Variants in OR51B5 observed in about 807,000 individuals in gnomAD.
The protein encoded by OR51B5 is olfactory receptor family 51 subfamily B member 5.
For synonymous variants in OR51B5, 186 were observed against 144.8 expected, an observed-to-expected ratio of 1.28 and a Z score of -2.04; for missense variants, 456 against 374.6, an observed-to-expected ratio of 1.22 and a Z score of -1.79.
chr11:5,407,050 C>A (rs985272138), intron 1 of OR51B5, among the ~76,000 whole-genome samples: 1 of 152,020 alleles, frequency 6.6e-6, no homozygotes, highest in African/African-American at 2.4e-5. Flanking sequence ...AAATACTGAT[C>A]TTATTAATAA....
intron 1 of OR51B5, chr11:5,392,376 T>TA (rs1849808704): frequency 6.6e-6 from 1 of 152,244 alleles, no homozygotes; most frequent in Admixed American, 6.5e-5. Context: ...AGGAAATTCC[T>TA]ATTCTATAGA....
At chr11:5,412,803 T>C (rs1016836908) in intron 1 of OR51B5, among the ~76,000 whole-genome samples, 12 of 151,938 alleles carry the variant, frequency 7.9e-5, no homozygotes, top group African/African-American at 2.4e-4. Context: ...TCCAACTGGG[T>C]GGAGCCCACC....
chr11:5,505,559 C>T, intron 1 of OR51B5: 1 of 1,075,552 alleles, frequency 9.3e-7, no homozygotes, highest in Non-Finnish European at 1.2e-6. Flanking sequence ...AAGAGGTTTA[C>T]CGGACTTACA....
At chr11:5,422,506 G>T in intron 1 of OR51B5, 8 of 1,614,142 alleles carry the variant, frequency 5.0e-6, no homozygotes, top group Non-Finnish European at 6.8e-6. Flanking sequence ...GTTTTGCTCA[G>T]TTTTTCTTCC....
chr11:5,371,509 A>T (rs1303709975), intron 1 of OR51B5, among the ~76,000 whole-genome samples: 3 of 152,110 alleles, frequency 2.0e-5, no homozygotes, highest in African/African-American at 7.2e-5. Context: ...ATAGAGAAAA[A>T]CATATATCTC....
intron 1 of OR51B5, among the ~76,000 whole-genome samples, chr11:5,438,355 A>ACCCCC (rs35674866): frequency 4.6e-5 from 7 of 150,642 alleles, no homozygotes; most frequent in African/African-American, 1.7e-4. Flanking sequence ...TCATAGCAAC[A>ACCCCC]CCCCCCCCCA....
rs574474594 is a variant in OR51B5 at position 5,439,349 on chromosome 11, T to C, written n.84+66220A>G. On this transcript the variant is annotated intron_variant and non_coding_transcript_variant, in intron 1 of 4. Transcript: ENST00000415970. ...AGATATTAAGGTTATAAATCTACTC[T>C]ACTTCCCTTCACCAACAATACCATA... is the stretch of plus-strand genomic sequence containing the variant. 5.3e-5 allele frequency among the ~76,000 whole-genome samples: 8 copies of C among 152,320 alleles called. No individual in the cohort carries two copies. The South Asian group carries it at 1.7e-3, about 32-fold the overall frequency.
chr11:5,474,671 G>A (rs1015117125), intron 1 of OR51B5, among the ~76,000 whole-genome samples: 1 of 152,132 alleles, frequency 6.6e-6, no homozygotes, highest in Admixed American at 6.5e-5. Context: ...TTGTGCCAAT[G>A]CAATAATTCT....
chr11:5,419,194 C>T (rs916806538), intron 1 of OR51B5, among the ~76,000 whole-genome samples: 10 of 152,182 alleles, frequency 6.6e-5, no homozygotes, highest in Admixed American at 5.9e-4. Flanking sequence ...GTGTCACAGA[C>T]ATCCCAAAAT....
At chr11:5,368,627 A>C (rs1423662296) in intron 1 of OR51B5, among the ~76,000 whole-genome samples, 1 of 138,926 alleles carries the variant, frequency 7.2e-6, no homozygotes, top group Non-Finnish European at 1.6e-5. Context: ...TAACATAAAG[A>C]CTTTGTGTTT....
intron 1 of OR51B5, among the ~76,000 whole-genome samples, chr11:5,434,850 T>G (rs1850572427): frequency 6.6e-6 from 1 of 152,158 alleles, no homozygotes; most frequent in Admixed American, 6.5e-5. Context: ...GTTCTTCCAA[T>G]TATAAGTCCC....
At chr11:5,355,143 G>C in intron 1 of OR51B5, 1 of 176,258 alleles carries the variant, frequency 5.7e-6, no homozygotes, top group Non-Finnish European at 1.2e-5. Flanking sequence ...CACCTCCATC[G>C]GGCTCAACAG....
At chr11:5,342,803 G>A (rs759326974) in exon 1 of OR51B5, 2 of 1,613,644 alleles carry the variant, frequency 1.2e-6, no homozygotes, top group South Asian at 2.2e-5. Context: ...GCAGATATGG[G>A]AGACACAGGT....
intron 1 of OR51B5, chr11:5,456,394 T>TAGGGCC (rs1463984411): frequency 6.6e-6 from 1 of 152,190 alleles, no homozygotes; most frequent in Non-Finnish European, 1.5e-5. Context: ...AAGAAAAATG[T>TAGGGCC]AGGGCCACTC....
intron 1 of OR51B5, among the ~76,000 whole-genome samples, chr11:5,436,452 G>A (rs7112433): frequency 0.13 from 19,651 of 152,164 alleles, 1,480 homozygotes; most frequent in East Asian, 0.28. Flanking sequence ...AGACTCGCAA[G>A]GTGTCTCCTA....
chr11:5,455,748 C>T (rs952796618), intron 1 of OR51B5: 3 of 151,892 alleles, frequency 2.0e-5, no homozygotes, highest in Non-Finnish European at 2.9e-5. Context: ...GAAATACCAA[C>T]AAGAGAGAGA....
chr11:5,493,063 G>A (rs923050409), intron 1 of OR51B5, among the ~76,000 whole-genome samples: 1 of 152,196 alleles, frequency 6.6e-6, no homozygotes, highest in African/African-American at 2.4e-5. Context: ...AAAGGAATAT[G>A]GCTGAATGGA....
intron 1 of OR51B5, among the ~76,000 whole-genome samples, chr11:5,410,354 C>T (rs1257143954): frequency 2.0e-5 from 3 of 152,084 alleles, no homozygotes; most frequent in African/African-American, 7.2e-5. Flanking sequence ...GAGCTTCTAT[C>T]TAGCATTACT....
intron 1 of OR51B5, among the ~76,000 whole-genome samples, chr11:5,459,979 A>T (rs2133792796): frequency 1.3e-5 from 2 of 152,340 alleles, no homozygotes; most frequent in Middle Eastern, 6.8e-3. Context: ...ATCAACCCAA[A>T]TGCCCATCAA....
Sources: allele counts gnomAD v4.1 joint callset (sites outside exome capture counted in the v4.1 genomes callset), GRCh38; gene constraint gnomAD v4.1.1; transcripts MANE v1.5; gene names NCBI Gene and HGNC (gene_info 2026-07-23, HGNC 2026-07-21).